The following CYTH1 variants were observed in gnomAD, a reference collection of about 807,000 sequenced individuals.
The protein encoded by CYTH1 is cytohesin 1.
Under a neutral mutation model 61.8 loss-of-function variants are expected in CYTH1, and 18 were observed. That is an observed-to-expected ratio of 0.29 (90% CI 0.20 to 0.43). The LOEUF (loss-of-function observed/expected upper bound fraction) is 0.43. Ranked by LOEUF, CYTH1 falls within the 20% of genes least tolerant of loss-of-function variation. CYTH1 has a pLI of 1.00. For missense variants in CYTH1, 336 were observed against 510.5 expected, an observed-to-expected ratio of 0.66 and a Z score of 3.29; for synonymous variants, 174 against 184.3, an observed-to-expected ratio of 0.94 and a Z score of 0.45.
intron 1 of CYTH1, among the ~76,000 whole-genome samples, chr17:78,753,882 G>C (rs916466476): frequency 1.3e-5 from 2 of 152,054 alleles, no homozygotes; most frequent in Non-Finnish European, 2.9e-5. Flanking sequence ...TTGCAGAATT[G>C]TTCTAAAATG....
rs552680979 is a variant in CYTH1 at position 78,698,425 on chromosome 17, T to G, written c.700-45A>C. On this transcript the variant is annotated intron_variant, in intron 8 of 13. Coordinates refer to ENST00000446868, the MANE Select transcript of CYTH1 (RefSeq NM_004762.6). ...TTTATGTCTCTGATTCTAGAAATAT[T>G]TTTTCCTCCTCCCCTTTCTCTTCAT... 6.1e-6 allele frequency: 9 copies of G among 1,471,746 alleles called. No homozygotes were observed. The African/African-American group carries it at 1.1e-4, about 18-fold the overall frequency. The allele number at this position is 1,471,746 out of a possible 1,614,324, so 91.2% of individuals were successfully genotyped here.
chr17:78,782,258 G>T lies in CYTH1; in HGVS notation c.-35C>A. On this transcript the variant is annotated 5_prime_UTR_variant, in exon 1 of 14. Transcript: ENST00000446868. ...GCCGGGCTCCGCGCTCCGGCTCGCC[G>T]CTCGCGTCCCGCCGCGCCACCCGCG... is the stretch of plus-strand genomic sequence containing the variant. 3.2e-6 allele frequency: 4 copies of T among 1,249,980 alleles called. No individual in the cohort carries two copies. Among genetic ancestry groups the T allele is most frequent in the Non-Finnish European group, 4.1e-6 (4 of 983,896 alleles). 77.4% of individuals were successfully genotyped at this position (1,249,980 alleles called of 1,614,324 possible).
chr17:78,736,439 G>A (rs899286270), intron 1 of CYTH1, among the ~76,000 whole-genome samples: 7 of 150,796 alleles, frequency 4.6e-5, no homozygotes, highest in Non-Finnish European at 8.9e-5. Context: ...CTCACTCTCT[G>A]ACACACACAC....
chr17:78,755,241 T>C (rs1483858150), intron 1 of CYTH1, among the ~76,000 whole-genome samples: 1 of 152,142 alleles, frequency 6.6e-6, no homozygotes, highest in East Asian at 1.9e-4. Flanking sequence ...AATAGCGCAA[T>C]CTCAGCTCAC....
chr17:78,766,299 T>A lies in CYTH1; in HGVS notation c.22+15903A>T, dbSNP rs74001234. Reference sequence around the variant, plus strand: ...AGGGCAAAAAGGCTAAGAGAAGCCATGAAAAGACCCCTGAAAATGGCTGAG... The same window carrying A: ...AGGGCAAAAAGGCTAAGAGAAGCCAAGAAAAGACCCCTGAAAATGGCTGAG... On this transcript the variant is annotated intron_variant, in intron 1 of 13. Coordinates refer to ENST00000446868, the MANE Select transcript of CYTH1 (RefSeq NM_004762.6). Among the ~76,000 whole-genome samples the A allele has an allele frequency of 4.1e-3, 628 of 152,252 alleles. 6 individuals are homozygous for A. Among genetic ancestry groups the A allele is most frequent in the African/African-American group, 0.014 (589 of 41,538 alleles).
chr17:78,736,946 C>A (rs140738299), intron 1 of CYTH1: 1 of 158,712 alleles, frequency 6.3e-6, no homozygotes, highest in East Asian at 1.9e-4. Context: ...GCGGCACTCC[C>A]AGTCAGTGCC....
intron 1 of CYTH1, among the ~76,000 whole-genome samples, chr17:78,767,192 G>C (rs1357467596): frequency 2.0e-5 from 3 of 152,196 alleles, no homozygotes; most frequent in Admixed American, 6.5e-5. Context: ...TCTCAGCCGG[G>C]CATGGTGTCT....
intron 6 of CYTH1, 123 bp downstream of exon 6, chr17:78,701,548 T>C: frequency 1.1e-6 from 1 of 932,482 alleles, no homozygotes; most frequent in East Asian, 2.4e-5. Flanking sequence ...CCCTCCAAAA[T>C]ACTTCAAAAT....
At chr17:78,745,318 G>T (rs892514008) in intron 1 of CYTH1, among the ~76,000 whole-genome samples, 4 of 152,098 alleles carry the variant, frequency 2.6e-5, no homozygotes, top group Admixed American at 2.0e-4. Flanking sequence ...AAAGACTTTG[G>T]AAAGTATTAA....
intron 1 of CYTH1, among the ~76,000 whole-genome samples, chr17:78,756,443 AAGG>A (rs1403991520): frequency 1.3e-5 from 2 of 152,090 alleles, no homozygotes; most frequent in Admixed American, 6.6e-5. Flanking sequence ...TTTTTAAAAC[AAGG>A]AGAAGGAACC....
In CYTH1 at chr17:78,703,971, C is replaced by T. The variant is rs148705536; in HGVS notation, c.171-1367G>A. On this transcript the variant is annotated intron_variant, in intron 3 of 13. Coordinates refer to ENST00000446868, the MANE Select transcript of CYTH1 (RefSeq NM_004762.6). Reference sequence around the variant, plus strand: ...CAGGGGTGGACACTGCTGGGTCATACGGTACATCTGTATTTAACTTTTTAA... The same window carrying T: ...CAGGGGTGGACACTGCTGGGTCATATGGTACATCTGTATTTAACTTTTTAA... Among the ~76,000 whole-genome samples the T allele has an allele frequency of 1.2e-3, 186 of 152,312 alleles. 1 individual carries two copies. The highest frequency in any genetic ancestry group is 4.4e-3 in the African/African-American group (181 of 41,570).
intron 1 of CYTH1, among the ~76,000 whole-genome samples, chr17:78,715,982 A>AG (rs1246597097): frequency 6.6e-6 from 1 of 152,208 alleles, no homozygotes; most frequent in Non-Finnish European, 1.5e-5. Context: ...CTACAACACT[A>AG]GAGACCAGAG....
At chr17:78,763,348 T>G (rs2093436260) in intron 1 of CYTH1, among the ~76,000 whole-genome samples, 2 of 152,044 alleles carry the variant, frequency 1.3e-5, no homozygotes. Context: ...TACACACATT[T>G]ATATACACAT....
At chr17:78,706,116 T>A (rs1183702928) in intron 3 of CYTH1, among the ~76,000 whole-genome samples, 10 of 151,486 alleles carry the variant, frequency 6.6e-5, no homozygotes, top group Non-Finnish European at 1.0e-4. Flanking sequence ...AAAAAAGCCA[T>A]TTTTTTTTAC....
At position 78,700,288 on chromosome 17, in the gene CYTH1, T is replaced by C; in HGVS notation, c.550+43A>G. 6.6e-7 allele frequency: 1 copy of C among 1,507,916 alleles called. No individual in the cohort carries two copies. Among genetic ancestry groups the C allele is most frequent in the Non-Finnish European group, 9.0e-7 (1 of 1,113,740 alleles). The allele number at this position is 1,507,916 out of a possible 1,614,324, so 93.4% of individuals were successfully genotyped here. A position where few individuals can be genotyped will look rare whatever the true frequency, so the allele number is the denominator to read the frequency against. On this transcript the variant is annotated intron_variant, in intron 7 of 13. Coordinates refer to ENST00000446868, the MANE Select transcript of CYTH1 (RefSeq NM_004762.6). The surrounding 1 kb of genome is among the most constrained non-coding windows in gnomAD (Gnocchi z 5.1). ...ATCTGGTGCCAAGAAAATAATCCAG[T>C]GTAAAACGCCCATCATAAACTAGGA...
intron 1 of CYTH1, among the ~76,000 whole-genome samples, chr17:78,712,498 CA>C (rs1304028021): frequency 3.3e-5 from 5 of 150,716 alleles, no homozygotes; most frequent in African/African-American, 7.3e-5. Context: ...ACTAAAAATA[CA>C]AAAAAAATTA....
intron 11 of CYTH1, among the ~76,000 whole-genome samples, chr17:78,684,592 T>G (rs538530863): frequency 6.6e-6 from 1 of 152,232 alleles, no homozygotes; most frequent in African/African-American, 2.4e-5. Flanking sequence ...GAACTAAATA[T>G]TGTAGAAAAG....
rs150512253 is a variant in CYTH1, at chr17:78,688,164, T to C, written c.891+4253A>G. On this transcript the variant is annotated intron_variant, in intron 11 of 13. Coordinates refer to ENST00000446868, the MANE Select transcript of CYTH1 (RefSeq NM_004762.6). ...GAAGTGACCTCTTTGACCTGAGTAG[T>C]GAAACCAGAAAGCTGTCCAGTCACG... 3.9e-3 allele frequency among the ~76,000 whole-genome samples: 587 copies of C among 152,314 alleles called. 3 individuals are homozygous for C. The highest frequency in any genetic ancestry group is 0.013 in the African/African-American group (550 of 41,556).
intron 1 of CYTH1, among the ~76,000 whole-genome samples, chr17:78,721,103 G>T (rs1254763214): frequency 6.6e-6 from 1 of 152,212 alleles, no homozygotes; most frequent in African/African-American, 2.4e-5. Flanking sequence ...GCCGAGGCAG[G>T]TGGATCACCT....
Sources: gnomAD v4.1 joint callset for allele counts (sites outside exome capture counted in the v4.1 genomes callset) on GRCh38, gnomAD v4.1.1 for gene constraint, Gnocchi (gnomAD v3.1) non-coding constraint, MANE v1.5 for transcripts, NCBI Gene and HGNC (gene_info 2026-07-23, HGNC 2026-07-21) for gene names.